Variants in RBFOX3 observed in about 807,000 individuals in gnomAD.
RBFOX3 encodes the protein RNA binding protein fox-1 homolog 3.
RBFOX3 carries 17 observed loss-of-function variants against 48.7 expected under a neutral mutation model. The observed-to-expected ratio is 0.35, with a 90% confidence interval of 0.24 to 0.52. RBFOX3 has a LOEUF of 0.52. Among genes scored for constraint, RBFOX3 ranks in the 20% least tolerant of loss-of-function variants. The pLI is 0.94. For missense variants in RBFOX3, 382 were observed against 497.5 expected (o/e 0.77, Z 2.21); for synonymous variants, 212 against 209.5 (o/e 1.01, Z -0.10).
intron 4 of RBFOX3, among the ~76,000 whole-genome samples, chr17:79,142,854 TG>T (rs1599644852): frequency 1.3e-5 from 2 of 152,118 alleles, no homozygotes; most frequent in Admixed American, 1.3e-4. Context: ...TGTTCAAGGA[TG>T]GGGGGAGAAC....
chr17:79,401,920 C>A (rs74404695), intron 2 of RBFOX3, among the ~76,000 whole-genome samples: 5,053 of 152,330 alleles, frequency 0.033, 277 homozygotes, highest in African/African-American at 0.12. Context: ...CTGTTGAAGC[C>A]ACACAGTTGT....
intron 3 of RBFOX3, among the ~76,000 whole-genome samples, chr17:79,276,065 A>G (rs943282470): frequency 3.9e-5 from 6 of 152,226 alleles, no homozygotes; most frequent in Non-Finnish European, 7.3e-5. Flanking sequence ...TTTCTGACAC[A>G]TGCTGCACCG....
intron 2 of RBFOX3, among the ~76,000 whole-genome samples, chr17:79,379,462 T>A (rs1011533543): frequency 6.6e-6 from 1 of 152,186 alleles, no homozygotes; most frequent in East Asian, 1.9e-4. Context: ...GACACACACT[T>A]GTCTCCATCT....
intron 1 of RBFOX3, among the ~76,000 whole-genome samples, chr17:79,520,915 C>T (rs2085974943): frequency 1.3e-5 from 2 of 152,352 alleles, no homozygotes; most frequent in East Asian, 3.9e-4. Context: ...GTCCTCAGAG[C>T]AAAATGCAAC....
At chr17:79,161,021 A>G (rs2707020) in intron 4 of RBFOX3, among the ~76,000 whole-genome samples, 145,132 of 151,414 alleles carry the variant, frequency 0.96, 69,623 homozygotes, top group East Asian at 1. Context: ...TGGGCTGGGC[A>G]CAGTGCTAAC....
At chr17:79,628,329 C>T in the RBFOX3 span, among the ~76,000 whole-genome samples, 1 of 152,156 alleles carries the variant, frequency 6.6e-6, no homozygotes, top group East Asian at 1.9e-4. Context: ...CTCTGCAAAC[C>T]TGATCGTTTC....
chr17:79,336,858 G>A (rs764475399), intron 2 of RBFOX3, among the ~76,000 whole-genome samples: 1 of 152,212 alleles, frequency 6.6e-6, no homozygotes, highest in Non-Finnish European at 1.5e-5. Context: ...GGTGGCTCAC[G>A]CCTGTAATCC....
At chr17:79,561,673 T>C (rs1404112303) in intron 1 of RBFOX3, among the ~76,000 whole-genome samples, 1 of 152,114 alleles carries the variant, frequency 6.6e-6, no homozygotes, top group South Asian at 2.1e-4. Flanking sequence ...CTGAAGCAGG[T>C]GTCCTCACAG....
intron 13 of RBFOX3, 28 bp downstream of exon 13, chr17:79,095,485 C>T: frequency 6.5e-7 from 1 of 1,545,542 alleles, no homozygotes; most frequent in Non-Finnish European, 8.8e-7. Flanking sequence ...CCACCCTGCT[C>T]CAGAACAGTG....
At chr17:79,130,004 G>A (rs991960426) in intron 4 of RBFOX3, among the ~76,000 whole-genome samples, 1 of 152,180 alleles carries the variant, frequency 6.6e-6, no homozygotes, top group Non-Finnish European at 1.5e-5. Context: ...GCTGCCCTGC[G>A]GGGACCGGGA....
chr17:79,484,512 TGG>T (rs1326376597), intron 1 of RBFOX3, among the ~76,000 whole-genome samples: 8 of 55,548 alleles, frequency 1.4e-4, no homozygotes, highest in Non-Finnish European at 2.2e-4. Context: ...GCAGGGGGCC[TGG>T]GTGCAGGGGG....
chr17:79,346,697 A>G (rs1441976630), intron 2 of RBFOX3, among the ~76,000 whole-genome samples: 1 of 152,226 alleles, frequency 6.6e-6, no homozygotes, highest in African/African-American at 2.4e-5. Flanking sequence ...CATTTTAATG[A>G]TATAAAAACT....
intron 2 of RBFOX3, among the ~76,000 whole-genome samples, chr17:79,355,326 G>A (rs2084771103): frequency 6.6e-6 from 1 of 152,188 alleles, no homozygotes; most frequent in South Asian, 2.1e-4. Context: ...TGCAGAGCAG[G>A]CTGACTTCTG....
At chr17:79,122,578 G>A (rs1432376557) in intron 4 of RBFOX3, among the ~76,000 whole-genome samples, 2 of 152,178 alleles carry the variant, frequency 1.3e-5, no homozygotes, top group Middle Eastern at 3.2e-3. Context: ...AGGATGTGGA[G>A]AAAAGGGAAC....
intron 1 of RBFOX3, among the ~76,000 whole-genome samples, chr17:79,496,881 C>T (rs1335568900): frequency 7.9e-5 from 12 of 152,312 alleles, no homozygotes; most frequent in Admixed American, 5.2e-4. Context: ...ATGTCTGCCA[C>T]GTAGCAGGGC....
At chr17:79,183,037 C>G in intron 4 of RBFOX3, among the ~76,000 whole-genome samples, 1 of 150,036 alleles carries the variant, frequency 6.7e-6, no homozygotes. Flanking sequence ...GCCCCAAACT[C>G]CGGCCCCCCC....
the RBFOX3 span, among the ~76,000 whole-genome samples, chr17:79,628,108 C>T: frequency 6.6e-6 from 1 of 152,098 alleles, no homozygotes; most frequent in Non-Finnish European, 1.5e-5. Context: ...CTCCTACAGG[C>T]TCAACTCCCC....
At chr17:79,403,324 C>A (rs2063060739) in intron 2 of RBFOX3, among the ~76,000 whole-genome samples, 1 of 152,198 alleles carries the variant, frequency 6.6e-6, no homozygotes, top group Non-Finnish European at 1.5e-5. Flanking sequence ...GGGGCCAGGT[C>A]CCGGCAGCAG....
At chr17:79,228,953 C>A (rs925578514) in intron 4 of RBFOX3, among the ~76,000 whole-genome samples, 2 of 152,078 alleles carry the variant, frequency 1.3e-5, no homozygotes, top group African/African-American at 2.4e-5. Context: ...GAGGGCCGGG[C>A]GCAGTGGCTC....
Sources: gnomAD v4.1 joint callset for allele counts (sites outside exome capture counted in the v4.1 genomes callset) on GRCh38, gnomAD v4.1.1 for gene constraint, MANE v1.5 for transcripts, NCBI Gene and HGNC (gene_info 2026-07-23, HGNC 2026-07-21) for gene names.